The following DPP10 variants were observed in gnomAD, a reference collection of about 807,000 sequenced individuals.
DPP10 encodes inactive dipeptidyl peptidase 10.
Under a neutral mutation model 120.9 loss-of-function variants are expected in DPP10, and 33 were observed. The ratio of observed to expected loss-of-function variants is 0.27; its 90% confidence interval spans 0.21 to 0.37. The LOEUF (loss-of-function observed/expected upper bound fraction) is 0.37. DPP10 is among the 10% of genes least tolerant of loss of function. The probability of loss-of-function intolerance (pLI) is 1.00; values close to 1 mark genes in which losing one functional copy is unlikely to be tolerated. For missense variants in DPP10, 816 were observed against 942.8 expected, an observed-to-expected ratio of 0.87 and a Z score of 1.76; for synonymous variants, 337 against 326.1, an observed-to-expected ratio of 1.03 and a Z score of -0.36.
chr2:115,681,672 C>T (rs888439454), intron 5 of DPP10, among the ~76,000 whole-genome samples: 1 of 150,256 alleles, frequency 6.7e-6, no homozygotes, highest in Non-Finnish European at 1.5e-5. Flanking sequence ...TGGTTTTTTT[C>T]CCCTTTCTTT....
chr2:115,116,425 T>G (rs1323626205), intron 1 of DPP10, among the ~76,000 whole-genome samples: 2 of 152,168 alleles, frequency 1.3e-5, no homozygotes, highest in African/African-American at 4.8e-5. Context: ...ATGAGAAAAT[T>G]GAGAGTCATC....
intron 1 of DPP10, among the ~76,000 whole-genome samples, chr2:115,219,711 A>G (rs1198090551): frequency 6.6e-6 from 1 of 152,222 alleles, no homozygotes; most frequent in Admixed American, 6.5e-5. Flanking sequence ...ATAATGTTAA[A>G]TATTGTTAGT....
chr2:115,545,908 GT>G (rs1381949388), intron 5 of DPP10, among the ~76,000 whole-genome samples: 1 of 152,066 alleles, frequency 6.6e-6, no homozygotes, highest in Non-Finnish European at 1.5e-5. Flanking sequence ...TGCAGTAAAA[GT>G]AGATGTCATG....
At chr2:114,448,889 T>C (rs553383586) in intron 1 of DPP10, among the ~76,000 whole-genome samples, 28 of 152,294 alleles carry the variant, frequency 1.8e-4, no homozygotes, top group Admixed American at 1.4e-3. Context: ...TAATGACTGT[T>C]AAGGTCATTT....
intron 1 of DPP10, among the ~76,000 whole-genome samples, chr2:114,866,607 G>T (rs1454348612): frequency 6.6e-6 from 1 of 152,148 alleles, no homozygotes; most frequent in African/African-American, 2.4e-5. Context: ...AATAGTCAAG[G>T]CAGCTGAGGT....
At chr2:114,560,091 T>G (rs1688646393) in intron 1 of DPP10, among the ~76,000 whole-genome samples, 1 of 152,168 alleles carries the variant, frequency 6.6e-6, no homozygotes, top group Non-Finnish European at 1.5e-5. Flanking sequence ...TGGTTTTTAC[T>G]TTAGGAAATT....
intron 5 of DPP10, among the ~76,000 whole-genome samples, chr2:115,638,107 A>G (rs1327124503): frequency 2.6e-5 from 4 of 152,330 alleles, no homozygotes; most frequent in African/African-American, 9.6e-5. Context: ...GCACTTTCAT[A>G]TACATCTGTG....
At chr2:115,321,180 A>G (rs1028440005) in intron 2 of DPP10, among the ~76,000 whole-genome samples, 1 of 152,094 alleles carries the variant, frequency 6.6e-6, no homozygotes. Flanking sequence ...GGGAGCCTGT[A>G]ATCCCCGCTC....
chr2:115,027,605 G>A (rs978679622), intron 1 of DPP10, among the ~76,000 whole-genome samples: 2 of 152,016 alleles, frequency 1.3e-5, no homozygotes, highest in African/African-American at 4.8e-5. Flanking sequence ...TTTTTGTGGT[G>A]TGTTTTTCTG....
chr2:114,446,921 G>A (rs930440116), intron 1 of DPP10, among the ~76,000 whole-genome samples: 1 of 152,144 alleles, frequency 6.6e-6, no homozygotes, highest in African/African-American at 2.4e-5. Context: ...TTGGAACATG[G>A]TGGTTAGGAA....
chr2:114,670,080 A>G (rs892359196), intron 1 of DPP10, among the ~76,000 whole-genome samples: 1 of 152,122 alleles, frequency 6.6e-6, no homozygotes, highest in African/African-American at 2.4e-5. Context: ...TGGGACTGTA[A>G]ACTAGTTCAA....
At chr2:115,050,911 T>G (rs1705428767) in intron 1 of DPP10, among the ~76,000 whole-genome samples, 1 of 152,196 alleles carries the variant, frequency 6.6e-6, no homozygotes, top group Non-Finnish European at 1.5e-5. Context: ...AGAAAAGAGA[T>G]GTTATTGACC....
At chr2:114,812,617 C>CACACACACACACACACAA (rs1242566036) in intron 1 of DPP10, among the ~76,000 whole-genome samples, 1 of 150,562 alleles carries the variant, frequency 6.6e-6, no homozygotes, top group African/African-American at 2.5e-5. Context: ...CACACACACA[C>CACACACACACACACACAA]AATTATAATT....
chr2:115,653,664 C>T (rs573975760), intron 5 of DPP10, among the ~76,000 whole-genome samples: 35 of 151,946 alleles, frequency 2.3e-4, no homozygotes, highest in African/African-American at 8.4e-4. Flanking sequence ...CTTGTCTTTT[C>T]TAGATGATTC....
At chr2:115,663,224 A>G (rs1223601775) in intron 5 of DPP10, among the ~76,000 whole-genome samples, 4 of 152,106 alleles carry the variant, frequency 2.6e-5, no homozygotes, top group Non-Finnish European at 4.4e-5. Flanking sequence ...TCTTCTCAGT[A>G]TTTTTTAAAA....
chr2:115,100,106 C>T (rs1177704037), intron 1 of DPP10, among the ~76,000 whole-genome samples: 2 of 152,122 alleles, frequency 1.3e-5, no homozygotes, highest in African/African-American at 4.8e-5. Flanking sequence ...CACCAAGTGG[C>T]TGGTTGGTCT....
intron 5 of DPP10, among the ~76,000 whole-genome samples, chr2:115,662,452 CTTCTGTATTGTTT>C (rs1426792725): frequency 6.8e-6 from 1 of 148,026 alleles, no homozygotes; most frequent in Non-Finnish European, 1.5e-5. Flanking sequence ...TTTTTAGCAA[CTTCTGTATTGTTT>C]TCTATAATGG....
At position 114,466,073 on chromosome 2, in the gene DPP10, G is replaced by A. The variant is rs78613766; in HGVS notation, c.60+23235G>A. ...AACTTGGAAAGAAATAATACTATTA[G>A]GATGATAATTTCCCACAAATTCATC... On this transcript the variant is annotated intron_variant, in intron 1 of 25. Coordinates refer to ENST00000410059, the MANE Select transcript of DPP10 (RefSeq NM_020868.6). 8.2e-4 allele frequency among the ~76,000 whole-genome samples: 124 copies of A among 152,086 alleles called. 1 individual carries two copies. The East Asian group carries it at 0.017, about 21-fold the overall frequency.
In DPP10 at chr2:115,816,840, C is replaced by T. The variant is rs189632571; in HGVS notation, c.1950+1111C>T. 5.7e-4 allele frequency among the ~76,000 whole-genome samples: 85 copies of T among 150,198 alleles called. 2 individuals carry two copies. The highest frequency in any genetic ancestry group is 2.0e-3 in the African/African-American group (82 of 41,274). ...ACCATGTTGGCCAGATGGTCTCGATCTCTTGACCTCGTGATCCGCCTGCCT... is the reference window on the plus strand; with the variant it reads ...ACCATGTTGGCCAGATGGTCTCGATTTCTTGACCTCGTGATCCGCCTGCCT... On this transcript the variant is annotated intron_variant, in intron 21 of 25. Coordinates refer to ENST00000410059, the MANE Select transcript of DPP10 (RefSeq NM_020868.6).
Sources: gnomAD v4.1 joint callset for allele counts (sites outside exome capture counted in the v4.1 genomes callset) on GRCh38, gnomAD v4.1.1 for gene constraint, MANE v1.5 for transcripts, NCBI Gene and HGNC (gene_info 2026-07-23, HGNC 2026-07-21) for gene names.